NFATC2: variants seen among roughly 807,000 people sequenced by gnomAD.
NFATC2 encodes nuclear factor of activated T-cells, cytoplasmic 2.
A neutral mutation model predicts 87.3 loss-of-function variants in NFATC2; 22 were observed. The ratio of observed to expected loss-of-function variants is 0.25; its 90% confidence interval spans 0.18 to 0.36. The LOEUF is 0.36. Ranked by LOEUF, NFATC2 falls within the 10% of genes least tolerant of loss-of-function variation. NFATC2 has a pLI of 1.00. For missense variants in NFATC2, 1,149 were observed against 1,259.1 expected (o/e 0.91, Z 1.32); for synonymous variants, 565 against 542.2 (o/e 1.04, Z -0.58).
chr20:51,472,198 T>C (rs1371844880), intron 5 of NFATC2, among the ~76,000 whole-genome samples: 1 of 152,190 alleles, frequency 6.6e-6, no homozygotes. Flanking sequence ...GAAGTTGCAG[T>C]GAGCCAAGAT....
intron 6 of NFATC2, among the ~76,000 whole-genome samples, chr20:51,440,919 G>A (rs367559377): frequency 8.5e-5 from 13 of 152,322 alleles, no homozygotes; most frequent in African/African-American, 3.1e-4. Flanking sequence ...CAAGTCCTGG[G>A]CTTTCGCCTG....
chr20:51,529,926 C>T (rs1287965912), intron 1 of NFATC2, among the ~76,000 whole-genome samples: 2 of 152,142 alleles, frequency 1.3e-5, no homozygotes, highest in African/African-American at 4.8e-5. Flanking sequence ...ACAGCCCCGC[C>T]CCCGCCAATG....
At chr20:51,482,586 T>C (rs971580175) in intron 3 of NFATC2, among the ~76,000 whole-genome samples, 2 of 152,256 alleles carry the variant, frequency 1.3e-5, no homozygotes, top group African/African-American at 4.8e-5. Context: ...TATGTGATGC[T>C]TTAATATGTG....
In NFATC2 at chr20:51,523,287, G is replaced by T; in HGVS notation, c.954C>A (p.Ile318=). The T allele has an allele frequency of 3.1e-6, 5 of 1,613,804 alleles. No homozygotes were observed. The highest frequency in any genetic ancestry group is 1.7e-4 in the Middle Eastern group (1 of 6,052). The part of the protein sequence containing the change: ...NSLATDSPCG[I]PPKMWKTSPD... ...GGCTGGTCTTCCACATCTTGGGGGG[G>T]ATCCCACAAGGCGAGTCCGTGGCGA... The change falls in exon 2 of 11, where the codon ATC becomes ATA. Residue 318 remains isoleucine, a synonymous_variant. Coordinates refer to ENST00000371564, the MANE Select transcript of NFATC2 (RefSeq NM_012340.5). The surrounding 1 kb of genome is among the most constrained non-coding windows in gnomAD (Gnocchi z 6.9).
At chr20:51,408,585 A>G (rs1246715452) in intron 9 of NFATC2, among the ~76,000 whole-genome samples, 3 of 151,772 alleles carry the variant, frequency 2.0e-5, no homozygotes, top group Non-Finnish European at 4.4e-5. Context: ...TTACAACACC[A>G]ACAGATTACA....
chr20:51,405,402 T>G (rs1314776918), intron 9 of NFATC2, among the ~76,000 whole-genome samples: 2 of 147,688 alleles, frequency 1.4e-5, no homozygotes, highest in Admixed American at 1.4e-4. Flanking sequence ...CCCAGGGAAC[T>G]GTGGGTGTGC....
intron 1 of NFATC2, among the ~76,000 whole-genome samples, chr20:51,527,731 A>G (rs1205695509): frequency 6.6e-6 from 1 of 152,204 alleles, no homozygotes; most frequent in East Asian, 1.9e-4. Context: ...GTCATTTTGT[A>G]ATATCCATGA....
chr20:51,487,381 G>C (rs138354965), intron 3 of NFATC2, among the ~76,000 whole-genome samples: 64 of 152,336 alleles, frequency 4.2e-4, no homozygotes, highest in African/African-American at 1.5e-3. Context: ...GCTAATGCAT[G>C]CAGGGCTTAA....
chr20:51,545,032 A>T (rs1200849418), upstream of NFATC2, among the ~76,000 whole-genome samples: 1 of 152,228 alleles, frequency 6.6e-6, no homozygotes, highest in Non-Finnish European at 1.5e-5. Flanking sequence ...GGAGGAAGGA[A>T]GAGTGAAGAC....
rs1336539208 is a variant in NFATC2 at position 51,432,371 on chromosome 20, C to T, written c.2418G>A (p.Gln806=). 6.2e-7 allele frequency: 1 copy of T among 1,612,564 alleles called. No individual in the cohort carries two copies. Among genetic ancestry groups the T allele is most frequent in the South Asian group, 1.1e-5 (1 of 90,816 alleles). ...GTGAGTAGTGGATCACAGGCGAGGC[C>T]TGCTGGTTGGTCGGAGAGGGGTGGA... ...ALLHPSPTNQ[Q]ASPVIHYSPT... Residue 806 remains glutamine (Q), a synonymous_variant, in exon 9 of 11, where the codon CAG becomes CAA. Coordinates refer to ENST00000371564, the MANE Select transcript of NFATC2 (RefSeq NM_012340.5). The surrounding 1 kb of genome is among the most constrained non-coding windows in gnomAD (Gnocchi z 4.6).
chr20:51,561,487 GC>G (rs376250621), intron 1 of NFATC2, among the ~76,000 whole-genome samples: 14,969 of 75,596 alleles, frequency 0.2, 887 homozygotes, highest in Admixed American at 0.23. Context: ...AAGAAAGAAA[GC>G]AAGCAAGCAA....
At position 51,513,080 on chromosome 20, in the gene NFATC2, G is replaced by GA. The variant is rs2076297518; in HGVS notation, c.1332+3703dup. Among the ~76,000 whole-genome samples the GA allele has an allele frequency of 5.9e-5, 9 of 151,560 alleles. 1 individual carries two copies. The highest frequency in any genetic ancestry group is 5.9e-4 in the Admixed American group (9 of 15,252). The stretch of plus-strand genomic sequence containing the variant: ...ATCAGTAATTAGCATGACTTATTTT[G>GA]AAAAAACATAATCTATTCAAATGAC... On this transcript the variant is annotated intron_variant, in intron 3 of 10. Coordinates refer to ENST00000371564, the MANE Select transcript of NFATC2 (RefSeq NM_012340.5).
rs146601129 is a variant in NFATC2, at chr20:51,436,715, AAAAC to A, written c.1850-958_1850-955del. On this transcript the variant is annotated intron_variant, in intron 6 of 10. Coordinates refer to ENST00000371564, the MANE Select transcript of NFATC2 (RefSeq NM_012340.5). ...GGGCGACAGAGTGAGACTTTGTCTC[AAAAC>A]AAACAAACAAACAAACAAACAAATA... Among the ~76,000 whole-genome samples the A allele has an allele frequency of 8.3e-4, 101 of 121,280 alleles. 1 individual carries two copies. The highest frequency in any genetic ancestry group is 4.7e-3 in the Middle Eastern group (1 of 212). 79.6% of individuals were successfully genotyped at this position (121,280 alleles called of 152,430 possible).
At chr20:51,433,196 C>T (rs781434958) in intron 8 of NFATC2, among the ~76,000 whole-genome samples, 3 of 152,102 alleles carry the variant, frequency 2.0e-5, no homozygotes, top group Non-Finnish European at 4.4e-5. Flanking sequence ...TACCTAAATA[C>T]GCCCTGCCTC....
At position 51,507,802 on chromosome 20, in the gene NFATC2, G is replaced by A. The variant is rs4811183; in HGVS notation, c.1332+8982C>T. Among the ~76,000 whole-genome samples the A allele has an allele frequency of 2.8e-3, 427 of 152,184 alleles. 1 individual carries two copies. Among genetic ancestry groups the A allele is most frequent in the Non-Finnish European group, 5.1e-3 (349 of 67,992 alleles). ...AAGCAGCATCGCGCGCTGGCTGGGG[G>A]TGACCCCTGGCAAGCTGCTTACCCG... On this transcript the variant is annotated intron_variant, in intron 3 of 10. Coordinates refer to ENST00000371564, the MANE Select transcript of NFATC2 (RefSeq NM_012340.5).
At chr20:51,452,470 C>T (rs1985921247) in intron 6 of NFATC2, among the ~76,000 whole-genome samples, 1 of 152,292 alleles carries the variant, frequency 6.6e-6, no homozygotes, top group South Asian at 2.1e-4. Context: ...CTGACAGCTC[C>T]CATGACAACA....
At chr20:51,505,480 T>C (rs2076163983) in intron 3 of NFATC2, among the ~76,000 whole-genome samples, 1 of 151,796 alleles carries the variant, frequency 6.6e-6, no homozygotes, top group Admixed American at 6.6e-5. Context: ...TATATGAATA[T>C]ATATAATTTA....
intron 3 of NFATC2, among the ~76,000 whole-genome samples, chr20:51,492,145 C>T (rs925873961): frequency 1.5e-4 from 23 of 152,102 alleles, no homozygotes; most frequent in African/African-American, 4.6e-4. Flanking sequence ...AGAGCCTTCT[C>T]GCCCCAGCAG....
In NFATC2 at chr20:51,432,429, T is replaced by C; in HGVS notation, c.2360A>G (p.His787Arg). 6.3e-7 allele frequency: 1 copy of C among 1,588,646 alleles called. No homozygotes were observed. Among genetic ancestry groups the C allele is most frequent in the Non-Finnish European group, 8.6e-7 (1 of 1,165,864 alleles). ...TGAGCTCTGGCCCTGGGAGCCGGCG[T>C]GCACCAGCACAGAGCGGTGAGCGTC... ...LADAHRSVLV[H>R]AGSQGQSSAL... Residue 787 changes from histidine to arginine, a missense_variant, in exon 9 of 11, where the codon CAC (histidine) becomes CGC (arginine). His to Arg is a conservative substitution (Grantham distance 29). Transcript: ENST00000371564. This position sits in a 1 kb window ranked among gnomAD's most constrained non-coding sequence, Gnocchi z 4.6.
Sources: gnomAD v4.1 joint callset for allele counts (sites outside exome capture counted in the v4.1 genomes callset) on GRCh38, gnomAD v4.1.1 for gene constraint, Gnocchi (gnomAD v3.1) non-coding constraint, MANE v1.5 for transcripts, NCBI Gene and HGNC (gene_info 2026-07-23, HGNC 2026-07-21) for gene names.